The following NFIA variants were observed in gnomAD, a reference collection of about 807,000 sequenced individuals.
NFIA encodes nuclear factor 1 A-type.
NFIA carries 8 observed loss-of-function variants against 62.8 expected under a neutral mutation model. The ratio of observed to expected loss-of-function variants is 0.13; its 90% CI spans 0.07 to 0.23. The LOEUF is 0.23. Among genes scored for constraint, NFIA ranks in the 10% least tolerant of loss-of-function variants. NFIA has a pLI of 1.00. For synonymous variants in NFIA, 235 were observed against 238.1 expected (o/e 0.99, Z 0.12); for missense variants, 410 against 642.1 (o/e 0.64, Z 3.91).
upstream of NFIA, among the ~76,000 whole-genome samples, chr1:61,079,308 T>C (rs1333729488): frequency 6.6e-6 from 1 of 152,226 alleles, no homozygotes; most frequent in Non-Finnish European, 1.5e-5. Flanking sequence ...CTGCTTTGGG[T>C]ATTAAAATCT....
At chr1:61,144,228 A>C (rs1479655501) in intron 2 of NFIA, among the ~76,000 whole-genome samples, 1 of 152,146 alleles carries the variant, frequency 6.6e-6, no homozygotes, top group Non-Finnish European at 1.5e-5. Flanking sequence ...GTTGGTCCCC[A>C]CCCCCGACTT....
intron 2 of NFIA, among the ~76,000 whole-genome samples, chr1:61,262,880 A>G (rs1217312821): frequency 6.6e-6 from 1 of 152,206 alleles, no homozygotes; most frequent in Non-Finnish European, 1.5e-5. Context: ...CCTCATTCCC[A>G]TGTAGCTCTG....
chr1:61,125,412 T>C (rs1646951330), intron 2 of NFIA, among the ~76,000 whole-genome samples: 1 of 152,212 alleles, frequency 6.6e-6, no homozygotes, highest in South Asian at 2.1e-4. Context: ...AACCTTAGAC[T>C]GTTTTGAAAG....
chr1:61,148,784 A>G (rs751355380), intron 2 of NFIA, among the ~76,000 whole-genome samples: 8 of 152,184 alleles, frequency 5.3e-5, no homozygotes, highest in Non-Finnish European at 8.8e-5. Context: ...GATGAAGGAA[A>G]ACTATTGATG....
At chr1:61,117,372 G>T (rs1238519968) in intron 2 of NFIA, among the ~76,000 whole-genome samples, 1 of 152,086 alleles carries the variant, frequency 6.6e-6, no homozygotes, top group Non-Finnish European at 1.5e-5. Flanking sequence ...TGAATCACTG[G>T]ATTGTGATAT....
chr1:61,231,871 AC>A (rs1207433459), intron 2 of NFIA, among the ~76,000 whole-genome samples: 23 of 148,868 alleles, frequency 1.5e-4, no homozygotes, highest in African/African-American at 5.2e-4. Flanking sequence ...AACAACAACA[AC>A]AAAAAAAAAC....
rs181584099 is a variant in NFIA, at chr1:61,377,014, C to T, written c.947-6223C>T. Among the ~76,000 whole-genome samples, 7 of 151,716 alleles carry T rather than the reference C, an allele frequency of 4.6e-5. No individual in the cohort carries two copies. In the East Asian group the frequency reaches 7.8e-4, roughly 17 times the overall value. ...GGTGGATCACCTGAGGTCTGGAGTT[C>T]GAGACCAGCTTGGCCAACATGGTGA... On this transcript the variant is annotated intron_variant, in intron 6 of 10. Coordinates refer to ENST00000403491, the MANE Select transcript of NFIA (RefSeq NM_001134673.4).
intron 2 of NFIA, among the ~76,000 whole-genome samples, chr1:61,273,039 T>C (rs1657608104): frequency 6.6e-6 from 1 of 152,226 alleles, no homozygotes. Flanking sequence ...TTTGTGCTTT[T>C]ATGGTCCATA....
chr1:61,199,654 A>C (rs1337233997), intron 2 of NFIA, among the ~76,000 whole-genome samples: 3 of 151,868 alleles, frequency 2.0e-5, no homozygotes, highest in Non-Finnish European at 4.4e-5. Context: ...TGTGCTTCCA[A>C]GTGTGTATAC....
At chr1:61,126,023 A>C (rs908340947) in intron 2 of NFIA, among the ~76,000 whole-genome samples, 1 of 152,190 alleles carries the variant, frequency 6.6e-6, no homozygotes, top group East Asian at 1.9e-4. Flanking sequence ...TCGCCATCTC[A>C]TCTGACTTAT....
chr1:61,267,486 G>A (rs1398679573), intron 2 of NFIA, among the ~76,000 whole-genome samples: 1 of 152,094 alleles, frequency 6.6e-6, no homozygotes, highest in Non-Finnish European at 1.5e-5. Context: ...TCCAGCCTGG[G>A]CAACAAAGGG....
At chr1:61,114,005 A>G (rs1646753693) in intron 2 of NFIA, among the ~76,000 whole-genome samples, 1 of 152,180 alleles carries the variant, frequency 6.6e-6, no homozygotes, top group Non-Finnish European at 1.5e-5. Context: ...GGGAGCATTG[A>G]AAACAAGAGT....
chr1:61,247,545 G>A (rs1422521293), intron 2 of NFIA, among the ~76,000 whole-genome samples: 7 of 152,110 alleles, frequency 4.6e-5, no homozygotes, highest in East Asian at 1.9e-4. Context: ...CACCTGGCAC[G>A]GTCCATTGGG....
At chr1:61,157,151 A>C (rs1648875594) in intron 2 of NFIA, among the ~76,000 whole-genome samples, 1 of 152,264 alleles carries the variant, frequency 6.6e-6, no homozygotes, top group Non-Finnish European at 1.5e-5. Flanking sequence ...ATATCCAAGG[A>C]ATAAACAAAC....
intron 4 of NFIA, among the ~76,000 whole-genome samples, chr1:61,341,022 A>G (rs1349861802): frequency 6.6e-6 from 1 of 150,880 alleles, no homozygotes; most frequent in East Asian, 1.9e-4. Flanking sequence ...ACAACTTTTT[A>G]AGTGGCAAAC....
intron 2 of NFIA, among the ~76,000 whole-genome samples, chr1:61,248,761 A>T (rs1655816233): frequency 6.6e-6 from 1 of 152,212 alleles, no homozygotes; most frequent in Non-Finnish European, 1.5e-5. Flanking sequence ...CATAACTAAA[A>T]CTAAATAACT....
chr1:61,401,914 G>C (rs139290794), intron 7 of NFIA, among the ~76,000 whole-genome samples: 16 of 151,992 alleles, frequency 1.1e-4, no homozygotes, highest in Admixed American at 9.8e-4. Context: ...GGCATAATTT[G>C]CAGAGTAAGA....
chr1:61,140,645 T>C (rs1046042389), intron 2 of NFIA, among the ~76,000 whole-genome samples: 1 of 152,160 alleles, frequency 6.6e-6, no homozygotes, highest in Non-Finnish European at 1.5e-5. Flanking sequence ...CAGATTGTTT[T>C]ACCCTGCTGG....
chr1:61,137,939 T>G (rs1647233845), intron 2 of NFIA, among the ~76,000 whole-genome samples: 1 of 151,616 alleles, frequency 6.6e-6, no homozygotes. Flanking sequence ...TCTCTCTCTC[T>G]CTCTCTCCCA....
Sources: gnomAD v4.1 joint callset for allele counts (sites outside exome capture counted in the v4.1 genomes callset) on GRCh38, gnomAD v4.1.1 for gene constraint, MANE v1.5 for transcripts, NCBI Gene and HGNC (gene_info 2026-07-23, HGNC 2026-07-21) for gene names.